Variants in CNBD1 observed in about 807,000 individuals in gnomAD.
The protein encoded by CNBD1 is cyclic nucleotide-binding domain-containing protein 1.
CNBD1 carries 71 observed loss-of-function variants against 54.4 expected under a neutral mutation model. The ratio of observed to expected loss-of-function variants is 1.30; its 90% CI spans 1.08 to 1.59. The LOEUF (loss-of-function observed/expected upper bound fraction) is 1.59, where lower values mean the gene tolerates loss of function less well. Among genes scored for constraint, CNBD1 ranks in the 40% most tolerant of loss-of-function variants. The pLI, the probability that CNBD1 is intolerant of heterozygous loss-of-function variation, is 0.00. For synonymous variants in CNBD1, 182 were observed against 170.7 expected (o/e 1.07, Z -0.51); for missense variants, 659 against 518.0 (o/e 1.27, Z -2.64).
intron 8 of CNBD1, among the ~76,000 whole-genome samples, chr8:87,327,525 G>T (rs532163543): frequency 1.4e-3 from 210 of 152,260 alleles, no homozygotes; most frequent in African/African-American, 4.7e-3. Flanking sequence ...TTTTTAAGCC[G>T]GTCTGAAAAG....
At chr8:87,351,544 A>T in intron 8 of CNBD1, 141 bp from the exon 9 acceptor site, 1 of 701,408 alleles carries the variant, frequency 1.4e-6, no homozygotes, top group Non-Finnish European at 2.1e-6. Context: ...TGTATTAAGT[A>T]CTGTCTATAA....
At chr8:87,137,124 A>G (rs1359529430) in intron 4 of CNBD1, among the ~76,000 whole-genome samples, 1 of 135,654 alleles carries the variant, frequency 7.4e-6, no homozygotes, top group Non-Finnish European at 1.5e-5. Flanking sequence ...TTATATTTTT[A>G]TTATATATAA....
intron 2 of CNBD1, among the ~76,000 whole-genome samples, chr8:87,426,533 A>G (rs1490600997): frequency 1.3e-5 from 2 of 152,216 alleles, no homozygotes; most frequent in African/African-American, 2.4e-5. Flanking sequence ...AAAAACAATA[A>G]CAGAAACTTA....
At chr8:87,286,482 T>C (rs1808700115) in intron 7 of CNBD1, 57 bp from the exon 8 acceptor site, 2 of 1,010,426 alleles carry the variant, frequency 2.0e-6, no homozygotes, top group East Asian at 5.2e-5. Context: ...CTATTTGCTA[T>C]TTCTTTGATT....
intron 4 of CNBD1, among the ~76,000 whole-genome samples, chr8:87,009,527 C>T (rs1239635977): frequency 2.6e-5 from 4 of 152,052 alleles, no homozygotes; most frequent in African/African-American, 7.2e-5. Context: ...GTCTCAATCT[C>T]CTGACCTCAT....
intron 2 of CNBD1, among the ~76,000 whole-genome samples, chr8:87,422,956 G>C (rs1427502414): frequency 3.3e-5 from 5 of 151,838 alleles, no homozygotes; most frequent in Non-Finnish European, 7.3e-5. Flanking sequence ...TCCTTGAGCA[G>C]CGGTTTGTAG....
intron 2 of CNBD1, among the ~76,000 whole-genome samples, chr8:87,391,158 G>A (rs1811301909): frequency 6.6e-6 from 1 of 152,000 alleles, no homozygotes; most frequent in African/African-American, 2.4e-5. Context: ...GAGATAATTG[G>A]TGCAGCACAA....
At chr8:87,374,070 T>C (rs1810874894) in intron 10 of CNBD1, among the ~76,000 whole-genome samples, 1 of 151,750 alleles carries the variant, frequency 6.6e-6, no homozygotes, top group African/African-American at 2.4e-5. Flanking sequence ...TTGGCAAAAC[T>C]AATCCCCTAA....
intron 3 of CNBD1, among the ~76,000 whole-genome samples, chr8:86,923,586 G>A (rs1185169307): frequency 6.6e-6 from 1 of 152,082 alleles, no homozygotes; most frequent in Non-Finnish European, 1.5e-5. Flanking sequence ...CCAGCCTTTG[G>A]TGTTTTCTCT....
At chr8:87,260,559 C>T (rs748937560) in intron 6 of CNBD1, among the ~76,000 whole-genome samples, 5 of 152,058 alleles carry the variant, frequency 3.3e-5, no homozygotes, top group African/African-American at 4.8e-5. Flanking sequence ...GTGATTTTTA[C>T]CATTCATTCC....
intron 4 of CNBD1, among the ~76,000 whole-genome samples, chr8:87,126,879 T>G (rs1812000411): frequency 6.6e-6 from 1 of 151,988 alleles, no homozygotes; most frequent in African/African-American, 2.4e-5. Context: ...TCCAGAACTA[T>G]TTATTGAAAA....
intron 7 of CNBD1, 41 bp from the exon 8 acceptor site, chr8:87,286,498 T>A (rs1384495304): frequency 1.7e-6 from 2 of 1,165,738 alleles, no homozygotes; most frequent in Non-Finnish European, 2.5e-6. Flanking sequence ...TGATTTTAAA[T>A]TGCCTGTTAT....
chr8:86,867,936 C>T lies in CNBD1; in HGVS notation c.88+1353C>T, dbSNP rs75855683. 7.0e-3 allele frequency among the ~76,000 whole-genome samples: 1,064 copies of T among 152,188 alleles called. 5 individuals carry two copies. The highest frequency in any genetic ancestry group is 0.017 in the African/African-American group (712 of 41,516). On this transcript the variant is annotated intron_variant, in intron 1 of 10. Coordinates refer to ENST00000518476, the MANE Select transcript of CNBD1 (RefSeq NM_173538.3). ...GAACTGAATAGAGCATAATGGAAAG[C>T]GGTGGAGCTCCCAGTGTTCCTTTAG...
intron 8 of CNBD1, among the ~76,000 whole-genome samples, chr8:87,323,234 A>G (rs886753727): frequency 5.4e-5 from 6 of 111,354 alleles, no homozygotes; most frequent in Admixed American, 2.7e-4. Context: ...GAAGTCAGGT[A>G]GTGTGATGCC....
intron 2 of CNBD1, among the ~76,000 whole-genome samples, chr8:86,894,384 T>C (rs1179901116): frequency 2.0e-5 from 3 of 152,160 alleles, no homozygotes; most frequent in Admixed American, 1.3e-4. Flanking sequence ...TTGAATAATT[T>C]TGGCTTTACA....
At chr8:86,891,899 G>A (rs1353404289) in intron 2 of CNBD1, among the ~76,000 whole-genome samples, 1 of 151,824 alleles carries the variant, frequency 6.6e-6, no homozygotes, top group Non-Finnish European at 1.5e-5. Flanking sequence ...ACTAATTTTT[G>A]TACGTTGATT....
At position 87,361,424 on chromosome 8, in the gene CNBD1, G is replaced by A. The variant is rs767225731; in HGVS notation, c.1303+7638G>A. On this transcript the variant is annotated intron_variant, in intron 10 of 10. Transcript: ENST00000518476. The stretch of plus-strand genomic sequence containing the variant: ...GAAAATAAAAAGAACAGAGGAAAAT[G>A]AAATAACACAAATGTCTTACAAGGC... Among the ~76,000 whole-genome samples, 98 of 151,788 alleles carry A rather than the reference G, an allele frequency of 6.5e-4. 1 individual carries two copies. Among genetic ancestry groups the A allele is most frequent in the Admixed American group, 2.0e-3 (30 of 15,204 alleles).
intron 8 of CNBD1, among the ~76,000 whole-genome samples, chr8:87,319,016 A>C (rs898359867): frequency 1.3e-5 from 2 of 152,120 alleles, no homozygotes; most frequent in East Asian, 3.9e-4. Context: ...AAAGAAGAGT[A>C]AATAAAATCA....
At chr8:87,308,752 C>A (rs1229844242) in intron 8 of CNBD1, among the ~76,000 whole-genome samples, 1 of 151,988 alleles carries the variant, frequency 6.6e-6, no homozygotes, top group Non-Finnish European at 1.5e-5. Context: ...CTCCCCTGAC[C>A]CTTCCTAGCC....
Sources: gnomAD v4.1 joint callset for allele counts (sites outside exome capture counted in the v4.1 genomes callset) on GRCh38, gnomAD v4.1.1 for gene constraint, MANE v1.5 for transcripts, NCBI Gene and HGNC (gene_info 2026-07-23, HGNC 2026-07-21) for gene names.